The following MED12L variants were observed in gnomAD, a reference collection of about 807,000 sequenced individuals.
MED12L encodes mediator complex subunit 12L.
MED12L carries 60 observed loss-of-function variants against 281.3 expected under a neutral mutation model. That is an observed-to-expected ratio of 0.21 (90% CI 0.17 to 0.26). The LOEUF is 0.26. Among genes scored for constraint, MED12L ranks in the 10% least tolerant of loss-of-function variants. MED12L has a pLI of 1.00. For missense variants in MED12L, 2,146 were observed against 2,680.9 expected (o/e 0.80, Z 4.41); for synonymous variants, 974 against 987.2 (o/e 0.99, Z 0.25).
At chr3:151,425,568 G>GTA (rs927402766) in intron 43 of MED12L, 12 of 400,572 alleles carry the variant, frequency 3.0e-5, no homozygotes, top group African/African-American at 2.1e-4. Context: ...GTTTTTGTTT[G>GTA]TGTGTGTGTG....
intron 39 of MED12L, among the ~76,000 whole-genome samples, chr3:151,405,729 T>G (rs1182411054): frequency 6.6e-6 from 1 of 152,198 alleles, no homozygotes; most frequent in African/African-American, 2.4e-5. Context: ...GTGGCCTCAG[T>G]TGTTTTGGTT....
At chr3:151,187,457 A>AT (rs1227977664) in intron 12 of MED12L, among the ~76,000 whole-genome samples, 9 of 152,210 alleles carry the variant, frequency 5.9e-5, no homozygotes, top group Non-Finnish European at 1.0e-4. Context: ...AAAATAATTG[A>AT]TTTTTTGTTA....
chr3:151,181,574 G>GTTTTT (rs1722698171), intron 11 of MED12L, among the ~76,000 whole-genome samples: 2 of 86,032 alleles, frequency 2.3e-5, no homozygotes, highest in Non-Finnish European at 4.4e-5. Flanking sequence ...TTAGCTCATT[G>GTTTTT]TCTTTTTTTT....
chr3:151,335,196 A>G (rs150814518), intron 16 of MED12L, among the ~76,000 whole-genome samples: 159 of 152,250 alleles, frequency 1.0e-3, no homozygotes, highest in African/African-American at 3.4e-3. Flanking sequence ...TAGTCACCCT[A>G]TTGTGCTATG....
intron 16 of MED12L, among the ~76,000 whole-genome samples, chr3:151,248,119 C>T (rs1429527789): frequency 2.6e-5 from 4 of 151,762 alleles, no homozygotes; most frequent in East Asian, 1.9e-4. Flanking sequence ...CCTTGCCATC[C>T]ACAAGTTAAA....
At chr3:151,346,031 T>C (rs1271588149) in intron 16 of MED12L, among the ~76,000 whole-genome samples, 1 of 152,192 alleles carries the variant, frequency 6.6e-6, no homozygotes, top group Non-Finnish European at 1.5e-5. Flanking sequence ...CACTACGTGC[T>C]GCTTTTGCTT....
intron 16 of MED12L, among the ~76,000 whole-genome samples, chr3:151,195,394 CT>C (rs1264512397): frequency 5.3e-5 from 8 of 151,994 alleles, no homozygotes; most frequent in Admixed American, 1.3e-4. Flanking sequence ...CATTTCAAAA[CT>C]TGTCAAATTA....
Position 151,369,430 on chromosome 3 carries a change from T to C in MED12L, c.3551-6T>C. ...TGAGACTATTAAAGATTTGTTGTTTTTGTAGGCAAACCTTTCCCTGGAATA... is the reference window on the plus strand; with the variant it reads ...TGAGACTATTAAAGATTTGTTGTTTCTGTAGGCAAACCTTTCCCTGGAATA... On this transcript the variant is annotated splice_region_variant and splice_polypyrimidine_tract_variant and intron_variant, in intron 25 of 44. Transcript: ENST00000687756. 1.3e-6 allele frequency: 2 copies of C among 1,586,036 alleles called. No individual in the cohort carries two copies. The highest frequency in any genetic ancestry group is 1.7e-6 in the Non-Finnish European group (2 of 1,163,172).
chr3:151,390,210 C>T (rs1714014707), intron 38 of MED12L, 75 bp downstream of exon 38: 5 of 1,437,252 alleles, frequency 3.5e-6, no homozygotes, highest in Non-Finnish European at 4.8e-6. Context: ...AACCTGAAAC[C>T]TCCACAAAAC....
chr3:151,312,863 T>G (rs1409128415), intron 16 of MED12L, among the ~76,000 whole-genome samples: 1 of 152,210 alleles, frequency 6.6e-6, no homozygotes, highest in Non-Finnish European at 1.5e-5. Flanking sequence ...CTCATAAGAT[T>G]GTTTTGAATG....
chr3:151,226,638 A>T (rs556487965), intron 16 of MED12L, among the ~76,000 whole-genome samples: 1 of 151,936 alleles, frequency 6.6e-6, no homozygotes, highest in African/African-American at 2.4e-5. Flanking sequence ...AGGAATGTGC[A>T]TGTGTGTATG....
intron 20 of MED12L, among the ~76,000 whole-genome samples, chr3:151,358,943 CTTTTA>C (rs1223320416): frequency 6.6e-6 from 1 of 152,082 alleles, no homozygotes; most frequent in Admixed American, 6.6e-5. Context: ...TTTTGTTTAA[CTTTTA>C]TTTTAGAACA....
intron 16 of MED12L, 45 bp from the exon 17 acceptor site, chr3:151,350,014 C>A (rs189059688): frequency 1.1e-4 from 173 of 1,584,486 alleles, no homozygotes; most frequent in Admixed American, 9.3e-4. Context: ...AATGCAACCC[C>A]ACCCCTGCAG....
intron 36 of MED12L, among the ~76,000 whole-genome samples, chr3:151,386,585 T>TC (rs1325190873): frequency 1.3e-5 from 2 of 150,114 alleles, no homozygotes; most frequent in Non-Finnish European, 3.0e-5. Flanking sequence ...TTTGTTTTTT[T>TC]TTTTTTTTCA....
At chr3:151,174,093 A>G (rs1721761389) in intron 11 of MED12L, among the ~76,000 whole-genome samples, 1 of 152,148 alleles carries the variant, frequency 6.6e-6, no homozygotes, top group African/African-American at 2.4e-5. Context: ...CCAGTTGAGC[A>G]CCCCAGTTTG....
intron 11 of MED12L, among the ~76,000 whole-genome samples, chr3:151,172,092 C>T (rs16863204): frequency 0.059 from 8,932 of 152,138 alleles, 562 homozygotes; most frequent in African/African-American, 0.16. Flanking sequence ...CAGTCTTAGA[C>T]GAATGCTTAG....
intron 16 of MED12L, among the ~76,000 whole-genome samples, chr3:151,200,361 C>T (rs1322145877): frequency 6.6e-6 from 1 of 152,080 alleles, no homozygotes; most frequent in African/African-American, 2.4e-5. Context: ...GTGTGGGTCC[C>T]CCTTTTGCAC....
chr3:151,261,005 A>C (rs9757688), intron 16 of MED12L, among the ~76,000 whole-genome samples: 4 of 151,834 alleles, frequency 2.6e-5, no homozygotes, highest in African/African-American at 9.7e-5. Context: ...TGTGTGTTGC[A>C]GGGCAAGCAT....
chr3:151,227,290 A>G (rs915141796), intron 16 of MED12L, among the ~76,000 whole-genome samples: 6 of 152,320 alleles, frequency 3.9e-5, no homozygotes, highest in Admixed American at 2.0e-4. Context: ...CCACCAAAGC[A>G]TAAATTCGGC....
Sources: allele counts gnomAD v4.1 joint callset (sites outside exome capture counted in the v4.1 genomes callset), GRCh38; gene constraint gnomAD v4.1.1; transcripts MANE v1.5; gene names NCBI Gene and HGNC (gene_info 2026-07-23, HGNC 2026-07-21).